Variants in HEATR4 observed in about 807,000 individuals in gnomAD.
HEATR4 encodes the protein HEAT repeat-containing protein 4.
Under a neutral mutation model 108.8 loss-of-function variants are expected in HEATR4, and 95 were observed. The observed-to-expected ratio is 0.87, with a 90% CI of 0.74 to 1.04. The LOEUF is 1.04. Ranked by LOEUF, HEATR4 falls within the 50% of genes least tolerant of loss-of-function variation. HEATR4 has a pLI of 0.00. For missense variants in HEATR4, 1,152 were observed against 1,253.8 expected, an observed-to-expected ratio of 0.92 and a Z score of 1.23; for synonymous variants, 443 against 459.4, an observed-to-expected ratio of 0.96 and a Z score of 0.46.
chr14:73,517,665 CAAAAAA>C (rs34441032), intron 5 of HEATR4, among the ~76,000 whole-genome samples: 1 of 59,368 alleles, frequency 1.7e-5, no homozygotes, highest in Non-Finnish European at 3.0e-5. Context: ...GAGACCCTGT[CAAAAAA>C]AAAAAAAAAA....
At chr14:73,596,016 C>T in the HEATR4 span, 1 of 171,016 alleles carries the variant, frequency 5.8e-6, no homozygotes, top group Non-Finnish European at 1.2e-5. Flanking sequence ...CCATCAGTAG[C>T]AGGGTAGAAT....
At chr14:73,490,507 G>C (rs1274876423) in intron 17 of HEATR4, among the ~76,000 whole-genome samples, 142 of 152,230 alleles carry the variant, frequency 9.3e-4, no homozygotes, top group Non-Finnish European at 2.6e-4. Context: ...TTTTTTAGTA[G>C]AGACGGGGTT....
rs778506098 is a variant in HEATR4 at position 73,537,225 on chromosome 14, T to A, written c.-151-6981A>T. ...AAGTGGAGGTTTCAACACAGGAGACTTTAAGCAAGTTCCAGTGTGTCTATA... is the reference window on the plus strand; with the variant it reads ...AAGTGGAGGTTTCAACACAGGAGACATTAAGCAAGTTCCAGTGTGTCTATA... On this transcript the variant is annotated intron_variant, in intron 1 of 17. Transcript: ENST00000553558. The A allele has an allele frequency of 5.1e-5, 24 of 472,184 alleles. 7 individuals carry two copies. Among genetic ancestry groups the A allele is most frequent in the Non-Finnish European group, 8.1e-5 (24 of 297,504 alleles). The allele number at this position is 472,184 out of a possible 1,614,324, so 29.2% of individuals were successfully genotyped here. A position where few individuals can be genotyped will look rare whatever the true frequency, so the allele number is the denominator to read the frequency against.
rs1407081074 is a variant in HEATR4 at position 73,535,501 on chromosome 14, T to C, written c.-151-5257A>G. ...TTTTTTTTTTTTTTTTTTTTTTTTT[T>C]TTTTTTGCCCAGGCTGGAGTGCAGT... On this transcript the variant is annotated intron_variant, in intron 1 of 17. Transcript: ENST00000553558. Among the ~76,000 whole-genome samples, 5 of 59,154 alleles carry C rather than the reference T, an allele frequency of 8.5e-5. 2 individuals are homozygous for C. Among genetic ancestry groups the C allele is most frequent in the Non-Finnish European group, 1.5e-4 (5 of 33,022 alleles). 38.8% of individuals were successfully genotyped at this position (59,154 alleles called of 152,430 possible).
At chr14:73,548,228 A>G (rs1889266083) in intron 1 of HEATR4, among the ~76,000 whole-genome samples, 1 of 116,320 alleles carries the variant, frequency 8.6e-6, no homozygotes, top group Non-Finnish European at 1.9e-5. Flanking sequence ...AGCCAATATA[A>G]TAAGAGTGAG....
rs1195335368 is a variant in HEATR4 at position 73,545,773 on chromosome 14, T to G, written c.-152+12978A>C. Among the ~76,000 whole-genome samples the G allele has an allele frequency of 1.4e-4, 15 of 108,072 alleles. 5 individuals are homozygous for G. In the Admixed American group the frequency reaches 1.6e-3, roughly 12 times the overall value. The allele number at this position is 108,072 out of a possible 152,430, so 70.9% of individuals were successfully genotyped here. A position where few individuals can be genotyped will look rare whatever the true frequency, so the allele number is the denominator to read the frequency against. The stretch of plus-strand genomic sequence containing the variant: ...AGATGCTAGATCCCAAACTTGAGTC[T>G]GCTGAAGCCCTTTTGAGACCTTAGG... On this transcript the variant is annotated intron_variant, in intron 1 of 17. Transcript: ENST00000553558.
At chr14:73,576,859 T>C in the HEATR4 span, among the ~76,000 whole-genome samples, 8 of 121,896 alleles carry the variant, frequency 6.6e-5, no homozygotes, top group Non-Finnish European at 1.2e-4. Context: ...AGTTCCACAA[T>C]AAACTTGTTT....
intron 1 of HEATR4, among the ~76,000 whole-genome samples, chr14:73,535,649 TG>T (rs1267367627): frequency 8.9e-6 from 1 of 111,828 alleles, no homozygotes; most frequent in African/African-American, 2.9e-5. Flanking sequence ...TTTGTATTTT[TG>T]GTTTTTTTTT....
intron 7 of HEATR4, among the ~76,000 whole-genome samples, chr14:73,509,870 T>TATATATA (rs1887127494): frequency 1.5e-5 from 1 of 65,124 alleles, no homozygotes; most frequent in African/African-American, 5.9e-5. Flanking sequence ...ATATATATAT[T>TATATATA]TATTTATTTT....
the HEATR4 span, among the ~76,000 whole-genome samples, chr14:73,565,417 G>A: frequency 7.5e-6 from 1 of 134,208 alleles, no homozygotes; most frequent in South Asian, 2.3e-4. Context: ...GAGGAGTCTT[G>A]CTCAGTCGCC....
Position 73,534,584 on chromosome 14 carries a change from G to C in HEATR4, c.-151-4340C>G, listed in dbSNP as rs552408950. 4.3e-4 allele frequency among the ~76,000 whole-genome samples: 47 copies of C among 110,108 alleles called. 9 individuals carry two copies. Among genetic ancestry groups the C allele is most frequent in the African/African-American group, 1.3e-3 (44 of 33,726 alleles). 72.2% of individuals were successfully genotyped at this position (110,108 alleles called of 152,430 possible). On this transcript the variant is annotated intron_variant, in intron 1 of 17. Transcript: ENST00000553558. ...CATGCCTGTGGTCCCAGGTGCTCGG[G>C]AGGCTGAGGTGGGAGAACTGTCTAA...
Position 73,557,021 on chromosome 14 carries a change from C to T in HEATR4, c.-152+1730G>A, listed in dbSNP as rs187233291. ...TGACCAGCATTATGAGGCAGCACCCCACTCCCAACAAATAGCCCTCTAGAA... is the reference window on the plus strand; with the variant it reads ...TGACCAGCATTATGAGGCAGCACCCTACTCCCAACAAATAGCCCTCTAGAA... On this transcript the variant is annotated intron_variant, in intron 1 of 17. Transcript: ENST00000553558. Among the ~76,000 whole-genome samples, 57 of 113,696 alleles carry T rather than the reference C, an allele frequency of 5.0e-4. 16 individuals are homozygous for T. Among genetic ancestry groups the T allele is most frequent in the African/African-American group, 1.4e-3 (51 of 35,258 alleles). The allele number at this position is 113,696 out of a possible 152,430, so 74.6% of individuals were successfully genotyped here. A position where few individuals can be genotyped will look rare whatever the true frequency, so the allele number is the denominator to read the frequency against.
the HEATR4 span, among the ~76,000 whole-genome samples, chr14:73,601,823 A>G: frequency 6.6e-6 from 1 of 152,192 alleles, no homozygotes; most frequent in African/African-American, 2.4e-5. Flanking sequence ...CAGATAATTT[A>G]TCTTAGACCA....
At chr14:73,520,302 A>C (rs1216454269) in intron 4 of HEATR4, 1 of 152,482 alleles carries the variant, frequency 6.6e-6, no homozygotes, top group Non-Finnish European at 1.5e-5. Flanking sequence ...GACATTGAGC[A>C]AGAAGCATTA....
chr14:73,590,552 C>T, the HEATR4 span, among the ~76,000 whole-genome samples: 1 of 152,220 alleles, frequency 6.6e-6, no homozygotes. Flanking sequence ...TGAGGAGGCT[C>T]GGACCGCGCA....
At chr14:73,532,998 TA>T (rs1283678652) in intron 1 of HEATR4, among the ~76,000 whole-genome samples, 1 of 112,606 alleles carries the variant, frequency 8.9e-6, no homozygotes, top group African/African-American at 2.9e-5. Context: ...AAGTAAAGAC[TA>T]AAAAAATTAA....
chr14:73,629,705 T>C, the HEATR4 span, among the ~76,000 whole-genome samples: 10 of 151,280 alleles, frequency 6.6e-5, 1 homozygote, highest in South Asian at 1.9e-3. Flanking sequence ...AGTGCAGTGG[T>C]GCAATCTCAG....
In HEATR4 at chr14:73,478,799, A is replaced by T; in HGVS notation, c.2888T>A (p.Val963Asp). Reference sequence around the variant, plus strand: ...TTTGCTTCGTGTGGTTAGGCCTGGGACTGAACTTTGTAACCAGGGATTTGG... The same window carrying T: ...TTTGCTTCGTGTGGTTAGGCCTGGGTCTGAACTTTGTAACCAGGGATTTGG... ...RAPNPWLQSSVPGLTTRSKVR... is the reference protein window; with the variant it reads ...RAPNPWLQSSDPGLTTRSKVR... The change falls in exon 18 of 18, where the codon GTC becomes GAC. Residue 963 changes from valine to aspartate, a missense_variant. Coordinates refer to ENST00000553558, the MANE Select transcript of HEATR4 (RefSeq NM_001220484.1). The T allele has an allele frequency of 6.2e-7, 1 of 1,611,180 alleles. No homozygotes were observed. Among genetic ancestry groups the T allele is most frequent in the Non-Finnish European group, 8.5e-7 (1 of 1,178,604 alleles).
chr14:73,630,137 G>A, the HEATR4 span, among the ~76,000 whole-genome samples: 2 of 152,092 alleles, frequency 1.3e-5, no homozygotes, highest in East Asian at 1.9e-4. Flanking sequence ...GTGGGAGCAG[G>A]GGAAAGCAAA....
Sources: allele counts gnomAD v4.1 joint callset (sites outside exome capture counted in the v4.1 genomes callset), GRCh38; gene constraint gnomAD v4.1.1; transcripts MANE v1.5; gene names NCBI Gene and HGNC (gene_info 2026-07-23, HGNC 2026-07-21).